Variants in GRM4 observed in about 807,000 individuals in gnomAD.
GRM4 encodes glutamate metabotropic receptor 4.
In GRM4, 28 loss-of-function variants were observed where a neutral mutation model predicts 81.7. The observed-to-expected ratio is 0.34, with a 90% CI of 0.25 to 0.47. The LOEUF is 0.47. Ranked by LOEUF, GRM4 falls within the 20% of genes least tolerant of loss-of-function variation. The probability of loss-of-function intolerance (pLI) is 1.00; values close to 1 mark genes in which losing one functional copy is unlikely to be tolerated. For missense variants in GRM4, 948 were observed against 1,290.0 expected (o/e 0.73, Z 4.06); for synonymous variants, 488 against 528.8 (o/e 0.92, Z 1.06).
intron 3 of GRM4, among the ~76,000 whole-genome samples, chr6:34,073,633 C>T (rs1210724794): frequency 6.6e-6 from 1 of 152,086 alleles, no homozygotes; most frequent in African/African-American, 2.4e-5. Flanking sequence ...CGGTGCCCAC[C>T]GTGAAGCATC....
intron 6 of GRM4, among the ~76,000 whole-genome samples, chr6:34,045,530 T>G (rs986503762): frequency 6.6e-6 from 1 of 152,162 alleles, no homozygotes; most frequent in Non-Finnish European, 1.5e-5. Flanking sequence ...CCAGATGTCT[T>G]TGGTTGTCCA....
chr6:34,050,675 C>T (rs1411997365), intron 6 of GRM4, among the ~76,000 whole-genome samples: 13 of 152,232 alleles, frequency 8.5e-5, no homozygotes, highest in Admixed American at 8.5e-4. Flanking sequence ...TCACTGAGAA[C>T]TTCTGACTTA....
At position 34,069,903 on chromosome 6, in the gene GRM4, T is replaced by G. The variant is rs1766714954; in HGVS notation, c.737-7875A>C. Reference sequence around the variant, plus strand: ...CACCCTCTAGCTCCCCACCCAGTTCTTCCCTGGCTGGACTGCATTTATCTC... The same window carrying G: ...CACCCTCTAGCTCCCCACCCAGTTCGTCCCTGGCTGGACTGCATTTATCTC... On this transcript the variant is annotated intron_variant, in intron 3 of 10. Transcript: ENST00000538487. The surrounding 1 kb of genome is among the most constrained non-coding windows in gnomAD (Gnocchi z 6.4). Among the ~76,000 whole-genome samples the G allele has an allele frequency of 6.6e-6, 1 of 152,138 alleles. No individual in the cohort carries two copies. The highest frequency in any genetic ancestry group is 2.4e-5 in the African/African-American group (1 of 41,426).
upstream of GRM4, among the ~76,000 whole-genome samples, chr6:34,146,732 C>T (rs1380301043): frequency 1.3e-5 from 2 of 152,206 alleles, no homozygotes. Context: ...ATCAGTACCT[C>T]GACCCCCGGC....
chr6:34,147,254 G>C (rs1770955692), upstream of GRM4, among the ~76,000 whole-genome samples: 1 of 152,102 alleles, frequency 6.6e-6, no homozygotes, highest in African/African-American at 2.4e-5. Context: ...TCCATTCCCA[G>C]CTCTAGGTGT....
At chr6:34,066,101 C>T (rs538439151) in intron 3 of GRM4, among the ~76,000 whole-genome samples, 86 of 152,232 alleles carry the variant, frequency 5.6e-4, no homozygotes, top group African/African-American at 1.9e-3. Flanking sequence ...CTGATCAAGG[C>T]GTGTCCATTG....
chr6:34,133,330 G>A lies in GRM4; in HGVS notation c.167C>T (p.Pro56Leu), dbSNP rs1249376190. The A allele has an allele frequency of 6.8e-6, 11 of 1,614,104 alleles. No individual in the cohort carries two copies. The highest frequency in any genetic ancestry group is 2.2e-5 in the East Asian group (1 of 44,884). ...DGDITLGGLF[P>L]VHGRGSEGKP... ...GCCCTCTGAGCCCCGGCCATGCACC[G>A]GGAACAGGCCTCCCAGTGTGATGTC... The change falls in exon 2 of 11, where the codon CCG becomes CTG. Residue 56 changes from proline (P) to leucine (L), a missense_variant. By Grantham distance (98) the Pro-to-Leu change is moderately conservative. Coordinates refer to ENST00000538487, the MANE Select transcript of GRM4 (RefSeq NM_000841.4). The surrounding 1 kb of genome is among the most constrained non-coding windows in gnomAD (Gnocchi z 6.5).
intron 10 of GRM4, chr6:34,024,620 C>T: frequency 2.2e-6 from 1 of 455,396 alleles, no homozygotes; most frequent in Non-Finnish European, 4.4e-6. Flanking sequence ...CACCATGGGA[C>T]CAGTAGGGAG....
At position 34,034,224 on chromosome 6, in the gene GRM4, C is replaced by G. The variant is rs1409134930; in HGVS notation, c.2442+1444G>C. Among the ~76,000 whole-genome samples, 1 of 152,238 alleles carries G rather than the reference C, an allele frequency of 6.6e-6. No individual in the cohort carries two copies. The highest frequency in any genetic ancestry group is 1.5e-5 in the Non-Finnish European group (1 of 68,042). On this transcript the variant is annotated intron_variant, in intron 9 of 10. Coordinates refer to ENST00000538487, the MANE Select transcript of GRM4 (RefSeq NM_000841.4). This position sits in a 1 kb window ranked among gnomAD's most constrained non-coding sequence, Gnocchi z 4.0. ...GACCCCTTCTCCTGCCCCTCCCAGG[C>G]TCCTCTCATTGTCTGCTCTTCCTTA...
At chr6:34,096,033 A>G (rs1768501079) in intron 2 of GRM4, among the ~76,000 whole-genome samples, 1 of 152,210 alleles carries the variant, frequency 6.6e-6, no homozygotes, top group Admixed American at 6.5e-5. Context: ...CAACAGCAGC[A>G]GCAGGAGGGG....
In GRM4 at chr6:34,019,994, CAA is replaced by C. The variant is rs1483910556; in HGVS notation, c.*2825_*2826del. 6.6e-6 allele frequency: 1 copy of C among 152,318 alleles called. No individual in the cohort carries two copies. The highest frequency in any genetic ancestry group is 1.5e-5 in the Non-Finnish European group (1 of 68,144). The allele number at this position is 152,318 out of a possible 1,614,324, so 9.4% of individuals were successfully genotyped here. A position where few individuals can be genotyped will look rare whatever the true frequency, so the allele number is the denominator to read the frequency against. ...CAACTGCTGCAGCAGGTCTAGCTGG[CAA>C]AAGTCTTGCTAGGGCCTGGTTCCCT... On this transcript the variant is annotated 3_prime_UTR_variant, in exon 11 of 11. Coordinates refer to ENST00000538487, the MANE Select transcript of GRM4 (RefSeq NM_000841.4).
chr6:34,032,395 C>G (rs35047519), intron 9 of GRM4, among the ~76,000 whole-genome samples: 1 of 152,266 alleles, frequency 6.6e-6, no homozygotes, highest in African/African-American at 2.4e-5. Context: ...GCAGCCAGAC[C>G]TGCAGCTTGC....
chr6:34,035,587 G>T lies in GRM4; in HGVS notation c.2442+81C>A. The T allele has an allele frequency of 1.4e-6, 1 of 734,710 alleles. No homozygotes were observed. The allele number at this position is 734,710 out of a possible 1,614,324, so 45.5% of individuals were successfully genotyped here. A position where few individuals can be genotyped will look rare whatever the true frequency, so the allele number is the denominator to read the frequency against. ...AAGAAGGCATTTCTGGAGCAGGGGG[G>T]AGGCCAGCCAGCCTCAGGAGGCTGC... On this transcript the variant is annotated intron_variant, in intron 9 of 10. Coordinates refer to ENST00000538487, the MANE Select transcript of GRM4 (RefSeq NM_000841.4). This position sits in a 1 kb window ranked among gnomAD's most constrained non-coding sequence, Gnocchi z 6.6.
chr6:34,154,577 G>A (rs1393269725), intron 1 of GRM4, among the ~76,000 whole-genome samples: 1 of 139,056 alleles, frequency 7.2e-6, no homozygotes, highest in Non-Finnish European at 1.5e-5. Context: ...TTAGATGGAC[G>A]GATGGTCCTG....
chr6:34,037,856 C>T (rs1270948885), intron 8 of GRM4, among the ~76,000 whole-genome samples: 9 of 92,174 alleles, frequency 9.8e-5, no homozygotes, highest in Middle Eastern at 5.4e-3. Context: ...AGCAAGATTC[C>T]GTCTCAAAAA....
At chr6:34,029,133 T>C (rs141145260) in intron 9 of GRM4, among the ~76,000 whole-genome samples, 1,700 of 152,242 alleles carry the variant, frequency 0.011, 15 homozygotes, top group East Asian at 0.026. Context: ...CTCCCTTCCT[T>C]CGGGTCCTCC....
chr6:34,151,684 A>T (rs1465028595), intron 1 of GRM4, among the ~76,000 whole-genome samples: 2 of 151,520 alleles, frequency 1.3e-5, no homozygotes, highest in Non-Finnish European at 2.9e-5. Flanking sequence ...ACTGCCCCCA[A>T]CCTGGAGCGC....
At position 34,021,455 on chromosome 6, in the gene GRM4, TC is replaced by T. The variant is rs958182987; in HGVS notation, c.*1365del. 7.2e-5 allele frequency: 11 copies of T among 152,240 alleles called. No individual in the cohort carries two copies. The highest frequency in any genetic ancestry group is 2.7e-4 in the African/African-American group (11 of 41,406). 9.4% of individuals were successfully genotyped at this position (152,240 alleles called of 1,614,324 possible). ...AAGCTAACTTCTCAAGAAGAGGACT[TC>T]CTGGCTGGAAGGAGAGAGGCACAGG... On this transcript the variant is annotated 3_prime_UTR_variant, in exon 11 of 11. Coordinates refer to ENST00000538487, the MANE Select transcript of GRM4 (RefSeq NM_000841.4). The surrounding 1 kb of genome is among the most constrained non-coding windows in gnomAD (Gnocchi z 5.3).
At chr6:34,085,134 C>T (rs974634497) in intron 3 of GRM4, among the ~76,000 whole-genome samples, 15 of 152,326 alleles carry the variant, frequency 9.8e-5, no homozygotes, top group Admixed American at 9.8e-4. Flanking sequence ...CTTCACTCTA[C>T]AGAGTCATAT....
Sources: allele counts gnomAD v4.1 joint callset (sites outside exome capture counted in the v4.1 genomes callset), GRCh38; gene constraint gnomAD v4.1.1; non-coding constraint Gnocchi (gnomAD v3.1); transcripts MANE v1.5; gene names NCBI Gene and HGNC (gene_info 2026-07-23, HGNC 2026-07-21).